CNTN6: variants seen among roughly 807,000 people sequenced by gnomAD.
CNTN6 encodes contactin-6.
CNTN6 carries 137 observed loss-of-function variants against 122.8 expected under a neutral mutation model. The ratio of observed to expected loss-of-function variants is 1.12; its 90% CI spans 0.97 to 1.29. The LOEUF (loss-of-function observed/expected upper bound fraction) is 1.29. Among genes scored for constraint, CNTN6 ranks in the 50% most tolerant of loss-of-function variants. CNTN6 has a pLI of 0.00. For missense variants in CNTN6, 1,634 were observed against 1,223.4 expected (o/e 1.34, Z -5.01); for synonymous variants, 570 against 426.0 (o/e 1.34, Z -4.16).
chr3:1,210,240 T>C (rs769099758), intron 2 of CNTN6, among the ~76,000 whole-genome samples: 1 of 152,010 alleles, frequency 6.6e-6, no homozygotes, highest in Non-Finnish European at 1.5e-5. Flanking sequence ...ATTACTTTTC[T>C]GTTTTATTTT....
intron 20 of CNTN6, among the ~76,000 whole-genome samples, chr3:1,395,626 A>T (rs74366142): frequency 0.012 from 1,868 of 152,206 alleles, 27 homozygotes; most frequent in African/African-American, 0.043. Flanking sequence ...CACCTGAATC[A>T]TCCAAGATTA....
intron 4 of CNTN6, among the ~76,000 whole-genome samples, chr3:1,249,708 G>A (rs1347329647): frequency 6.6e-6 from 1 of 152,134 alleles, no homozygotes; most frequent in Non-Finnish European, 1.5e-5. Flanking sequence ...CTATTTTTAT[G>A]AATGGAGATT....
intron 2 of CNTN6, among the ~76,000 whole-genome samples, chr3:1,214,259 T>G (rs1056373546): frequency 6.6e-6 from 1 of 151,450 alleles, no homozygotes; most frequent in African/African-American, 2.4e-5. Flanking sequence ...TTTATATTAG[T>G]TTTTTTAATG....
intron 5 of CNTN6, among the ~76,000 whole-genome samples, chr3:1,281,796 A>T (rs994739883): frequency 6.6e-6 from 1 of 152,220 alleles, no homozygotes; most frequent in Non-Finnish European, 1.5e-5. Context: ...TTTTCAACAT[A>T]AACAGTCAGC....
chr3:1,100,719 C>G (rs1285764310), intron 1 of CNTN6, among the ~76,000 whole-genome samples: 4 of 151,934 alleles, frequency 2.6e-5, no homozygotes, highest in African/African-American at 9.7e-5. Context: ...GTATTTTATA[C>G]TTTTATTTTT....
chr3:1,147,166 A>G lies in CNTN6; in HGVS notation c.-82-761A>G, dbSNP rs186960380. ...GGTTGCAAGAAAATATGTTTCCACT[A>G]TGTTAAAGTTTCCAAAGGATCTTAT... On this transcript the variant is annotated intron_variant, in intron 1 of 22. Transcript: ENST00000446702. Among the ~76,000 whole-genome samples, 10 of 152,218 alleles carry G rather than the reference A, an allele frequency of 6.6e-5. No homozygotes were observed. In the East Asian group the frequency reaches 1.9e-3, roughly 29 times the overall value.
At chr3:1,141,006 T>C (rs2092596255) in intron 1 of CNTN6, among the ~76,000 whole-genome samples, 1 of 152,142 alleles carries the variant, frequency 6.6e-6, no homozygotes, top group Non-Finnish European at 1.5e-5. Context: ...GGTGGTGGGG[T>C]TTCCTAGTCT....
intron 4 of CNTN6, among the ~76,000 whole-genome samples, chr3:1,269,047 C>T (rs186795971): frequency 4.2e-4 from 64 of 152,208 alleles, no homozygotes; most frequent in Admixed American, 1.9e-3. Context: ...GATGTGCCCT[C>T]GTATCATCAG....
intron 1 of CNTN6, among the ~76,000 whole-genome samples, chr3:1,114,757 A>G (rs967569758): frequency 2.6e-5 from 4 of 152,214 alleles, no homozygotes; most frequent in Non-Finnish European, 4.4e-5. Context: ...TGGTCATCCC[A>G]TAAAATGACT....
intron 7 of CNTN6, among the ~76,000 whole-genome samples, chr3:1,301,788 G>A (rs1697473892): frequency 6.6e-6 from 1 of 152,148 alleles, no homozygotes; most frequent in Non-Finnish European, 1.5e-5. Flanking sequence ...TTGGAGTGCA[G>A]ATACATTTCT....
At chr3:1,329,206 T>C (rs757856134) in intron 10 of CNTN6, among the ~76,000 whole-genome samples, 1 of 151,110 alleles carries the variant, frequency 6.6e-6, no homozygotes, top group East Asian at 2.0e-4. Context: ...CATGTATGCA[T>C]ATACATGTAT....
chr3:1,157,976 C>T (rs765668710), intron 2 of CNTN6, among the ~76,000 whole-genome samples: 15 of 152,154 alleles, frequency 9.9e-5, no homozygotes, highest in Middle Eastern at 3.4e-3. Context: ...GATATATCTT[C>T]GATATATTGA....
At chr3:1,237,754 T>C (rs986040025) in intron 4 of CNTN6, among the ~76,000 whole-genome samples, 1 of 152,136 alleles carries the variant, frequency 6.6e-6, no homozygotes, top group African/African-American at 2.4e-5. Flanking sequence ...TTTAGCCTCC[T>C]TAAACAAAAC....
At chr3:1,294,390 C>G (rs1207069852) in intron 5 of CNTN6, among the ~76,000 whole-genome samples, 1 of 151,972 alleles carries the variant, frequency 6.6e-6, no homozygotes, top group African/African-American at 2.4e-5. Context: ...CAAATGACAG[C>G]AGAAATAATC....
At chr3:1,150,266 T>A (rs1451084349) in intron 2 of CNTN6, among the ~76,000 whole-genome samples, 1 of 152,234 alleles carries the variant, frequency 6.6e-6, no homozygotes, top group East Asian at 1.9e-4. Flanking sequence ...CTATGCATAG[T>A]GATAATATCT....
chr3:1,122,360 GAGGA>G (rs747394923), intron 1 of CNTN6, among the ~76,000 whole-genome samples: 50 of 140,530 alleles, frequency 3.6e-4, no homozygotes, highest in South Asian at 6.5e-4. Context: ...AGGAGGGAAG[GAGGA>G]AGGAAGGAAG....
chr3:1,243,222 T>C (rs2094512129), intron 4 of CNTN6, among the ~76,000 whole-genome samples: 2 of 152,170 alleles, frequency 1.3e-5, no homozygotes, highest in South Asian at 2.1e-4. Context: ...CGAGGAATCC[T>C]GAGCTGCGGG....
chr3:1,275,528 C>T (rs536179969), intron 4 of CNTN6, among the ~76,000 whole-genome samples: 11 of 152,272 alleles, frequency 7.2e-5, no homozygotes, highest in Middle Eastern at 3.4e-3. Context: ...GACAACTGTC[C>T]ACCAATTTGC....
intron 7 of CNTN6, among the ~76,000 whole-genome samples, chr3:1,313,312 A>G (rs1315236896): frequency 6.6e-6 from 1 of 152,118 alleles, no homozygotes; most frequent in Non-Finnish European, 1.5e-5. Flanking sequence ...TATTCATATT[A>G]TTTACATTAA....
Sources: gnomAD v4.1 joint callset for allele counts (sites outside exome capture counted in the v4.1 genomes callset) on GRCh38, gnomAD v4.1.1 for gene constraint, MANE v1.5 for transcripts, NCBI Gene and HGNC (gene_info 2026-07-23, HGNC 2026-07-21) for gene names.